The following CDH8 variants were observed in gnomAD, a reference collection of about 807,000 sequenced individuals.
The protein encoded by CDH8 is cadherin-8.
In CDH8, 17 loss-of-function variants were observed where a neutral mutation model predicts 68.1. The observed-to-expected ratio is 0.25, with a 90% CI of 0.17 to 0.37. The LOEUF is 0.37. Ranked by LOEUF, CDH8 falls within the 10% of genes least tolerant of loss-of-function variation. CDH8 has a pLI of 1.00. For missense variants in CDH8, 763 were observed against 999.3 expected (o/e 0.76, Z 3.19); for synonymous variants, 372 against 365.1 (o/e 1.02, Z -0.21).
chr16:61,989,793 T>C (rs1480806357), intron 2 of CDH8, among the ~76,000 whole-genome samples: 1 of 151,480 alleles, frequency 6.6e-6, no homozygotes, highest in African/African-American at 2.4e-5. Flanking sequence ...ATTAATACTT[T>C]CCCATAATTC....
chr16:61,793,335 T>C (rs945229106), intron 7 of CDH8, among the ~76,000 whole-genome samples: 3 of 151,910 alleles, frequency 2.0e-5, no homozygotes, highest in Admixed American at 1.3e-4. Flanking sequence ...TGGGGATTCA[T>C]TGTACAGATT....
intron 3 of CDH8, among the ~76,000 whole-genome samples, chr16:61,865,516 T>C (rs1013584040): frequency 6.6e-6 from 1 of 152,144 alleles, no homozygotes; most frequent in African/African-American, 2.4e-5. Flanking sequence ...TTAGACACGT[T>C]TATATGCACA....
At chr16:62,005,356 C>T (rs1054298064) in intron 2 of CDH8, among the ~76,000 whole-genome samples, 1 of 152,088 alleles carries the variant, frequency 6.6e-6, no homozygotes, top group Admixed American at 6.5e-5. Flanking sequence ...ATGTGGGGTG[C>T]TAGGCTATGT....
chr16:61,717,566 T>C (rs543952338), intron 9 of CDH8, among the ~76,000 whole-genome samples: 5 of 151,748 alleles, frequency 3.3e-5, no homozygotes, highest in Admixed American at 2.0e-4. Flanking sequence ...AGTAGCAGAA[T>C]ATCACTGCCA....
At chr16:61,709,129 C>G (rs2142862356) in intron 10 of CDH8, among the ~76,000 whole-genome samples, 1 of 152,134 alleles carries the variant, frequency 6.6e-6, no homozygotes, top group South Asian at 2.1e-4. Context: ...TTATAAAGGA[C>G]ACTTGAACAA....
At position 61,755,531 on chromosome 16, in the gene CDH8, C is replaced by T. The variant is rs191856342; in HGVS notation, c.1415-28316G>A. On this transcript the variant is annotated intron_variant, in intron 8 of 11. Coordinates refer to ENST00000577390, the MANE Select transcript of CDH8 (RefSeq NM_001796.5). ...AGTAGAAATAATAGGGTGAATTAAA[C>T]AATTTAAATTGTCAGTTTCAAGAAA... Among the ~76,000 whole-genome samples, 11 of 152,092 alleles carry T rather than the reference C, an allele frequency of 7.2e-5. No homozygotes were observed. In the East Asian group the frequency reaches 2.1e-3, roughly 29 times the overall value.
chr16:61,867,153 A>T (rs191409867), intron 3 of CDH8, among the ~76,000 whole-genome samples: 1 of 152,220 alleles, frequency 6.6e-6, no homozygotes, highest in Non-Finnish European at 1.5e-5. Context: ...CAATCATTAC[A>T]AGAACTATGA....
chr16:61,906,093 C>A (rs1462527720), intron 2 of CDH8, among the ~76,000 whole-genome samples: 2 of 151,966 alleles, frequency 1.3e-5, no homozygotes, highest in Non-Finnish European at 2.9e-5. Context: ...ACAGGGGCCA[C>A]ATTACACAGA....
chr16:61,813,152 C>T (rs1030352043), intron 7 of CDH8, among the ~76,000 whole-genome samples: 1 of 152,086 alleles, frequency 6.6e-6, no homozygotes, highest in Non-Finnish European at 1.5e-5. Context: ...GTTTATTTTT[C>T]TTCTTTCCTG....
At chr16:61,707,799 T>A (rs952028550) in intron 10 of CDH8, among the ~76,000 whole-genome samples, 1 of 152,198 alleles carries the variant, frequency 6.6e-6, no homozygotes, top group Non-Finnish European at 1.5e-5. Context: ...TCATTTTGTT[T>A]CCACATTCAA....
chr16:61,943,948 G>A (rs1964762371), intron 2 of CDH8, among the ~76,000 whole-genome samples: 1 of 152,160 alleles, frequency 6.6e-6, no homozygotes, highest in Admixed American at 6.5e-5. Context: ...CAAAGCCAGT[G>A]GAAGAAAACT....
At chr16:61,808,702 C>A (rs1289256874) in intron 7 of CDH8, among the ~76,000 whole-genome samples, 1 of 152,090 alleles carries the variant, frequency 6.6e-6, no homozygotes, top group Non-Finnish European at 1.5e-5. Context: ...GAGTAAAATC[C>A]TGGAATGATA....
At chr16:61,768,367 T>TCTCTCTCTCTCTCTCTCTCTCTCC (rs1567461178) in intron 8 of CDH8, among the ~76,000 whole-genome samples, 4 of 80,620 alleles carry the variant, frequency 5.0e-5, no homozygotes, top group Non-Finnish European at 9.8e-5. Context: ...TCTCTCTCTC[T>TCTCTCTCTCTCTCTCTCTCTCTCC]CCCTTTCTCT....
intron 4 of CDH8, among the ~76,000 whole-genome samples, chr16:61,840,354 G>A (rs188310590): frequency 1.2e-4 from 19 of 152,172 alleles, no homozygotes; most frequent in African/African-American, 3.1e-4. Context: ...AATAACCAAT[G>A]TCTGTTGGCA....
At chr16:61,774,727 G>A (rs1315985337) in intron 8 of CDH8, among the ~76,000 whole-genome samples, 1 of 152,038 alleles carries the variant, frequency 6.6e-6, no homozygotes, top group Non-Finnish European at 1.5e-5. Context: ...ACAGGATAAA[G>A]CAATAATGAA....
chr16:61,874,187 A>C (rs1168858030), intron 3 of CDH8, among the ~76,000 whole-genome samples: 1 of 152,156 alleles, frequency 6.6e-6, no homozygotes, highest in Non-Finnish European at 1.5e-5. Flanking sequence ...TACCCACAAA[A>C]AATTTTTTTA....
chr16:61,991,240 G>T (rs894985045), intron 2 of CDH8, among the ~76,000 whole-genome samples: 4 of 152,182 alleles, frequency 2.6e-5, no homozygotes, highest in Admixed American at 2.6e-4. Context: ...GGGCGGAAGG[G>T]AAGGAAACTC....
chr16:61,828,406 A>G (rs1376559530), intron 4 of CDH8, among the ~76,000 whole-genome samples: 1 of 151,866 alleles, frequency 6.6e-6, no homozygotes, highest in Non-Finnish European at 1.5e-5. Flanking sequence ...TCACTATTCT[A>G]CAGACTTGCC....
At chr16:61,891,741 G>A (rs1217362462) in intron 3 of CDH8, among the ~76,000 whole-genome samples, 1 of 152,100 alleles carries the variant, frequency 6.6e-6, no homozygotes, top group Non-Finnish European at 1.5e-5. Flanking sequence ...TCTTTTGAAA[G>A]TGTTTATTTC....
Sources: allele counts gnomAD v4.1 joint callset (sites outside exome capture counted in the v4.1 genomes callset), GRCh38; gene constraint gnomAD v4.1.1; transcripts MANE v1.5; gene names NCBI Gene and HGNC (gene_info 2026-07-23, HGNC 2026-07-21).